Variants in SAMD4A observed in about 807,000 individuals in gnomAD.
The protein encoded by SAMD4A is protein Smaug homolog 1.
In SAMD4A, 33 loss-of-function variants were observed where a neutral mutation model predicts 81.3. The observed-to-expected ratio is 0.41, with a 90% CI of 0.31 to 0.54. The LOEUF is 0.54. Ranked by LOEUF, SAMD4A falls within the 20% of genes least tolerant of loss-of-function variation. The pLI is 0.37. For missense variants in SAMD4A, 854 were observed against 951.1 expected (o/e 0.90, Z 1.34); for synonymous variants, 389 against 382.1 (o/e 1.02, Z -0.21).
At chr14:54,679,112 A>G (rs1037127297) in intron 2 of SAMD4A, among the ~76,000 whole-genome samples, 6 of 152,244 alleles carry the variant, frequency 3.9e-5, no homozygotes, top group African/African-American at 1.4e-4. Flanking sequence ...ACTTTGGGGA[A>G]ACTCGCAGAT....
At position 54,620,855 on chromosome 14, in the gene SAMD4A, G is replaced by A. The variant is rs150212098; in HGVS notation, c.196+52743G>A. Among the ~76,000 whole-genome samples, 156 of 152,286 alleles carry A rather than the reference G, an allele frequency of 1.0e-3. 1 individual carries two copies. Among genetic ancestry groups the A allele is most frequent in the African/African-American group, 3.5e-3 (146 of 41,560 alleles). ...GCTCACTGTAAACTTGAACTCCTGGGTTCAAGCCATCCTCCTGCCTCAGCC... is the reference window on the plus strand; with the variant it reads ...GCTCACTGTAAACTTGAACTCCTGGATTCAAGCCATCCTCCTGCCTCAGCC... On this transcript the variant is annotated intron_variant, in intron 2 of 12. Transcript: ENST00000554335.
chr14:54,572,121 G>A (rs1437543938), intron 2 of SAMD4A, among the ~76,000 whole-genome samples: 1 of 152,170 alleles, frequency 6.6e-6, no homozygotes. Flanking sequence ...GAAATGTAAA[G>A]GTAACTTAAC....
At chr14:54,721,998 C>G (rs1594857533) in intron 3 of SAMD4A, among the ~76,000 whole-genome samples, 2 of 152,100 alleles carry the variant, frequency 1.3e-5, no homozygotes, top group Admixed American at 6.6e-5. Flanking sequence ...ATATAAATAT[C>G]CCATTTGTAA....
intron 2 of SAMD4A, among the ~76,000 whole-genome samples, chr14:54,651,583 A>G (rs1213696822): frequency 1.3e-5 from 2 of 152,212 alleles, no homozygotes; most frequent in Non-Finnish European, 1.5e-5. Context: ...CATTTCAAGA[A>G]CTTACTAGTA....
chr14:54,696,019 A>T (rs894727766), intron 2 of SAMD4A, among the ~76,000 whole-genome samples: 9 of 151,802 alleles, frequency 5.9e-5, no homozygotes, highest in Non-Finnish European at 8.8e-5. Context: ...AATCCTTTGT[A>T]CCTTTTCAAA....
chr14:54,659,687 A>T (rs1334837765), intron 2 of SAMD4A, among the ~76,000 whole-genome samples: 2 of 152,152 alleles, frequency 1.3e-5, no homozygotes, highest in Non-Finnish European at 2.9e-5. Flanking sequence ...ATGAGGTATA[A>T]TGTGAAACCT....
At chr14:54,627,134 A>AC (rs748795808) in intron 2 of SAMD4A, among the ~76,000 whole-genome samples, 1 of 152,048 alleles carries the variant, frequency 6.6e-6, no homozygotes, top group African/African-American at 2.4e-5. Flanking sequence ...TTTACATCCA[A>AC]CCCCCAGACT....
intron 4 of SAMD4A, among the ~76,000 whole-genome samples, chr14:54,746,178 C>A (rs1477740151): frequency 6.6e-6 from 1 of 152,202 alleles, no homozygotes; most frequent in African/African-American, 2.4e-5. Flanking sequence ...TCACCACAAT[C>A]CAGAGGGTGA....
intron 2 of SAMD4A, chr14:54,685,635 A>G: frequency 2.2e-6 from 1 of 449,944 alleles, no homozygotes; most frequent in Non-Finnish European, 4.5e-6. Flanking sequence ...CCAAATGGTT[A>G]GAAGTTGCAG....
chr14:54,638,639 C>T (rs373954193), intron 2 of SAMD4A, among the ~76,000 whole-genome samples: 16 of 152,214 alleles, frequency 1.1e-4, no homozygotes, highest in African/African-American at 2.9e-4. Context: ...TAAGTAAAAC[C>T]GTTTCTGTTG....
chr14:54,709,618 G>C (rs918190955), intron 3 of SAMD4A, among the ~76,000 whole-genome samples: 2 of 152,066 alleles, frequency 1.3e-5, no homozygotes, highest in South Asian at 2.1e-4. Flanking sequence ...CCTTGTTCTA[G>C]TAAGGCCACT....
chr14:54,751,129 G>A (rs1393093146), intron 5 of SAMD4A, among the ~76,000 whole-genome samples: 1 of 152,142 alleles, frequency 6.6e-6, no homozygotes, highest in Non-Finnish European at 1.5e-5. Flanking sequence ...AGGTTTGGTG[G>A]CCTGTAGTCC....
rs372168864 is a variant in SAMD4A, at chr14:54,654,897, G to C, written c.197-47165G>C. On this transcript the variant is annotated intron_variant, in intron 2 of 12. Coordinates refer to ENST00000554335, the MANE Select transcript of SAMD4A (RefSeq NM_015589.6). ...GCGTAATGACAGCACATCAGTGCCT[G>C]GCTCATATGTCATCAGTGCTCAGGA... 4.6e-5 allele frequency among the ~76,000 whole-genome samples: 7 copies of C among 152,312 alleles called. No homozygotes were observed. The South Asian group carries it at 1.5e-3, about 32-fold the overall frequency.
At chr14:54,681,611 C>G (rs148495967) in intron 2 of SAMD4A, among the ~76,000 whole-genome samples, 7 of 152,138 alleles carry the variant, frequency 4.6e-5, no homozygotes, top group Non-Finnish European at 1.0e-4. Context: ...TAAAAATCTT[C>G]TATAGAGATG....
chr14:54,776,670 C>CT, intron 11 of SAMD4A, 130 bp downstream of exon 11: 2 of 1,118,642 alleles, frequency 1.8e-6, no homozygotes, highest in Non-Finnish European at 2.4e-6. Context: ...GAAGCCTTTC[C>CT]TTTTTTAAAC....
At chr14:54,649,241 T>C (rs2035352372) in intron 2 of SAMD4A, among the ~76,000 whole-genome samples, 1 of 152,140 alleles carries the variant, frequency 6.6e-6, no homozygotes, top group East Asian at 1.9e-4. Context: ...TGACTTATTT[T>C]TAAAGGAAGA....
rs546835415 is a variant in SAMD4A, at chr14:54,791,876, C to A, written c.*2932C>A. ...TTTTTTTGTATTTACCCATTGACCC[C>A]CACCAAATGCAACTGTTTTATATTA... is the stretch of plus-strand genomic sequence containing the variant. On this transcript the variant is annotated 3_prime_UTR_variant, in exon 13 of 13. Transcript: ENST00000554335. The A allele has an allele frequency of 2.0e-5, 3 of 152,100 alleles. No individual in the cohort carries two copies. The highest frequency in any genetic ancestry group is 7.2e-5 in the African/African-American group (3 of 41,408). 9.4% of individuals were successfully genotyped at this position (152,100 alleles called of 1,614,324 possible).
intron 2 of SAMD4A, among the ~76,000 whole-genome samples, chr14:54,690,565 C>T (rs2036406994): frequency 6.6e-6 from 1 of 152,082 alleles, no homozygotes; most frequent in South Asian, 2.1e-4. Flanking sequence ...TTTCTCTACC[C>T]CATTGGTCTG....
chr14:54,569,091 A>C (rs1215874350), intron 2 of SAMD4A, among the ~76,000 whole-genome samples: 3 of 152,082 alleles, frequency 2.0e-5, no homozygotes, highest in African/African-American at 7.2e-5. Flanking sequence ...ATGCTGCTGC[A>C]GGAGGGTGAA....
Sources: gnomAD v4.1 joint callset for allele counts (sites outside exome capture counted in the v4.1 genomes callset) on GRCh38, gnomAD v4.1.1 for gene constraint, MANE v1.5 for transcripts, NCBI Gene and HGNC (gene_info 2026-07-23, HGNC 2026-07-21) for gene names.